The following MDFIC variants were observed in gnomAD, a reference collection of about 807,000 sequenced individuals.
MDFIC encodes the protein MyoD family inhibitor domain containing.
A neutral mutation model predicts 23.2 loss-of-function variants in MDFIC; 17 were observed. The observed-to-expected ratio is 0.73, with a 90% confidence interval of 0.50 to 1.10. The LOEUF is 1.10. Among genes scored for constraint, MDFIC ranks in the 50% least tolerant of loss-of-function variants. The pLI, the probability that MDFIC is intolerant of heterozygous loss-of-function variation, is 0.00. For synonymous variants in MDFIC, 120 were observed against 115.2 expected (o/e 1.04, Z -0.27); for missense variants, 356 against 316.6 (o/e 1.12, Z -0.95).
In MDFIC at chr7:114,922,378, G is replaced by T; in HGVS notation, c.-366G>T. On this transcript the variant is annotated 5_prime_UTR_variant, in exon 1 of 5. Coordinates refer to ENST00000393486, the MANE Select transcript of MDFIC (RefSeq NM_001166345.3). Reference sequence around the variant, plus strand: ...AGAGGGGGAAGGCCCCCTCGCAGGGGAGCCGGCTGGAGTGAGCTGGCTGGA... The same window carrying T: ...AGAGGGGGAAGGCCCCCTCGCAGGGTAGCCGGCTGGAGTGAGCTGGCTGGA... 8.1e-7 allele frequency: 1 copy of T among 1,232,746 alleles called. No homozygotes were observed. 76.4% of individuals were successfully genotyped at this position (1,232,746 alleles called of 1,614,324 possible). A position where few individuals can be genotyped will look rare whatever the true frequency, so the allele number is the denominator to read the frequency against.
At chr7:114,923,473 T>A in intron 2 of MDFIC, 1 of 1,537,870 alleles carries the variant, frequency 6.5e-7, no homozygotes, top group Non-Finnish European at 8.7e-7. Context: ...CTTCAGCAGA[T>A]CCAGGACTGC....
intron 3 of MDFIC, among the ~76,000 whole-genome samples, chr7:114,957,585 C>T (rs1426073653): frequency 6.6e-6 from 1 of 151,978 alleles, no homozygotes; most frequent in Non-Finnish European, 1.5e-5. Context: ...TGGGACAATA[C>T]ATAATTAGTT....
chr7:114,974,125 T>C (rs1370637808), intron 3 of MDFIC, among the ~76,000 whole-genome samples: 1 of 152,150 alleles, frequency 6.6e-6, no homozygotes, highest in African/African-American at 2.4e-5. Flanking sequence ...ATCAAGTTGA[T>C]GAAAAGAGTT....
rs140299589 is a variant in MDFIC, at chr7:114,934,184, A to G, written c.95-8091A>G. Reference sequence around the variant, plus strand: ...CTGAAACTGTATGTGAGAAGGAAGGAGTTTGCTGTGCCTCAAGGTCAATCA... The same window carrying G: ...CTGAAACTGTATGTGAGAAGGAAGGGGTTTGCTGTGCCTCAAGGTCAATCA... On this transcript the variant is annotated intron_variant, in intron 2 of 4. Transcript: ENST00000393486. Among the ~76,000 whole-genome samples, 47 of 152,306 alleles carry G rather than the reference A, an allele frequency of 3.1e-4. 1 individual carries two copies. In the East Asian group the frequency reaches 8.7e-3, roughly 28 times the overall value.
Position 114,986,274 on chromosome 7 carries a change from T to G in MDFIC, c.493+6493T>G, listed in dbSNP as rs61298180. ...TCTTTTTAGGCTTCGCTTCTTTGTC[T>G]TTTTGGTGATTTTCTCTTGCATTTA... On this transcript the variant is annotated intron_variant, in intron 4 of 4. Transcript: ENST00000393486. Among the ~76,000 whole-genome samples the G allele has an allele frequency of 5.6e-3, 853 of 152,222 alleles. 11 individuals carry two copies. Among genetic ancestry groups the G allele is most frequent in the African/African-American group, 0.019 (776 of 41,522 alleles).
chr7:115,000,911 A>G (rs1791453267), intron 4 of MDFIC, among the ~76,000 whole-genome samples: 1 of 152,198 alleles, frequency 6.6e-6, no homozygotes, highest in Admixed American at 6.5e-5. Context: ...CTGGTGACAC[A>G]TATTTTTTAG....
intron 4 of MDFIC, among the ~76,000 whole-genome samples, chr7:115,006,928 A>T (rs1158287929): frequency 1.1e-4 from 1 of 9,258 alleles, no homozygotes; most frequent in Non-Finnish European, 2.8e-4. Flanking sequence ...GGTTCAAGTA[A>T]AGTATAGTTT....
At chr7:114,985,293 T>C (rs1288260659) in intron 4 of MDFIC, among the ~76,000 whole-genome samples, 1 of 152,126 alleles carries the variant, frequency 6.6e-6, no homozygotes, top group East Asian at 1.9e-4. Flanking sequence ...GTTCGATATG[T>C]GTTAGCTGCT....
At chr7:114,994,981 ACAC>A (rs1791290048) in intron 4 of MDFIC, among the ~76,000 whole-genome samples, 3 of 152,324 alleles carry the variant, frequency 2.0e-5, no homozygotes, top group Admixed American at 2.0e-4. Flanking sequence ...ACTTTCAGGT[ACAC>A]CAATCAGACG....
chr7:115,014,006 G>A, intron 4 of MDFIC: 1 of 985,380 alleles, frequency 1.0e-6, no homozygotes. Flanking sequence ...ATATGTAAAA[G>A]TGGGCTTGGC....
At chr7:114,929,946 G>T (rs1319977914) in intron 2 of MDFIC, among the ~76,000 whole-genome samples, 2 of 152,096 alleles carry the variant, frequency 1.3e-5, no homozygotes, top group African/African-American at 2.4e-5. Flanking sequence ...TGGGAGAAAA[G>T]GATAGGTGAT....
chr7:114,949,665 G>T (rs1278758383), intron 3 of MDFIC, among the ~76,000 whole-genome samples: 1 of 152,084 alleles, frequency 6.6e-6, no homozygotes, highest in East Asian at 1.9e-4. Flanking sequence ...ATGGGTGTGG[G>T]TTCTGCATTC....
chr7:114,967,304 C>G (rs192365200), intron 3 of MDFIC, among the ~76,000 whole-genome samples: 135 of 152,240 alleles, frequency 8.9e-4, no homozygotes, highest in Non-Finnish European at 1.7e-3. Context: ...GAGAGGACAT[C>G]TCCTGGAGGG....
At chr7:115,002,009 T>A (rs561365305) in intron 4 of MDFIC, among the ~76,000 whole-genome samples, 2 of 152,018 alleles carry the variant, frequency 1.3e-5, no homozygotes, top group Non-Finnish European at 2.9e-5. Context: ...TGGTGGTACA[T>A]GCCTGTAATC....
chr7:114,937,820 G>C (rs1289745915), intron 2 of MDFIC, among the ~76,000 whole-genome samples: 1 of 152,174 alleles, frequency 6.6e-6, no homozygotes, highest in Non-Finnish European at 1.5e-5. Flanking sequence ...TTTGGAAGTA[G>C]ATGCCAGTGG....
In MDFIC at chr7:114,979,566, T is replaced by C. The variant is rs141461988; in HGVS notation, c.278T>C (p.Ile93Thr). Residue 93 changes from isoleucine to threonine, a missense_variant, in exon 4 of 5, where the codon ATA (isoleucine) becomes ACA (threonine). Coordinates refer to ENST00000393486, the MANE Select transcript of MDFIC (RefSeq NM_001166345.3). ...GCCCAGGTGCCAAGTGGTGAGGAAA[T>C]AGGCAAGATAAAGAACGGCCACACA... ...TSAQVPSGEE[I>T]GKIKNGHTGL... 71 of 1,613,868 alleles carry C rather than the reference T, an allele frequency of 4.4e-5. No individual in the cohort carries two copies. The African/African-American group carries it at 8.3e-4, about 19-fold the overall frequency.
chr7:114,929,103 C>CTATCTATCTATCTATCTATCT (rs71149772), intron 2 of MDFIC, among the ~76,000 whole-genome samples: 1 of 4,686 alleles, frequency 2.1e-4, no homozygotes, highest in East Asian at 0.028. Flanking sequence ...ATCTATCTAT[C>CTATCTATCTATCTATCTATCT]ATCTATCTAT....
chr7:114,955,176 C>G (rs1312690158), intron 3 of MDFIC, among the ~76,000 whole-genome samples: 1 of 152,334 alleles, frequency 6.6e-6, no homozygotes, highest in East Asian at 1.9e-4. Flanking sequence ...AGTTGTACCC[C>G]AAGCAATCAG....
chr7:114,954,299 T>A (rs1792840830), intron 3 of MDFIC, among the ~76,000 whole-genome samples: 1 of 152,266 alleles, frequency 6.6e-6, no homozygotes, highest in African/African-American at 2.4e-5. Flanking sequence ...TAATATCTTA[T>A]CCGCTTCTTG....
Sources: gnomAD v4.1 joint callset for allele counts (sites outside exome capture counted in the v4.1 genomes callset) on GRCh38, gnomAD v4.1.1 for gene constraint, MANE v1.5 for transcripts, NCBI Gene and HGNC (gene_info 2026-07-23, HGNC 2026-07-21) for gene names.